Variants in FAM53A observed in about 807,000 individuals in gnomAD.
FAM53A encodes protein FAM53A.
In FAM53A, 28 loss-of-function variants were observed where a neutral mutation model predicts 26.6. The observed-to-expected ratio is 1.05, with a 90% CI of 0.78 to 1.45. The LOEUF is 1.45. Among genes scored for constraint, FAM53A ranks in the 40% most tolerant of loss-of-function variants. The pLI is 0.00. For synonymous variants in FAM53A, 290 were observed against 253.1 expected, an observed-to-expected ratio of 1.15 and a Z score of -1.38; for missense variants, 650 against 575.8, an observed-to-expected ratio of 1.13 and a Z score of -1.32.
In FAM53A at chr4:1,640,439, T is replaced by C. The variant is rs1711576920; in HGVS notation, c.*854A>G. ...GGCGCCCTGCACAGCAGGCCTTTCG[T>C]GGGGAACACAGACGCATGTTAATCT... On this transcript the variant is annotated 3_prime_UTR_variant, in exon 5 of 5. Coordinates refer to ENST00000308132, the MANE Select transcript of FAM53A (RefSeq NM_001174070.3). 1 of 285,826 alleles carries C rather than the reference T, an allele frequency of 3.5e-6. No homozygotes were observed. The highest frequency in any genetic ancestry group is 3.0e-5 in the South Asian group (1 of 33,292). The allele number at this position is 285,826 out of a possible 1,614,324, so 17.7% of individuals were successfully genotyped here.
the FAM53A span, among the ~76,000 whole-genome samples, chr4:1,603,705 G>A: frequency 4.1e-4 from 62 of 152,210 alleles, no homozygotes; most frequent in Non-Finnish European, 8.7e-4. Context: ...GTGTGTGTGC[G>A]GCCTGCAGCT....
chr4:1,576,222 G>A, the FAM53A span, among the ~76,000 whole-genome samples: 1 of 152,208 alleles, frequency 6.6e-6, no homozygotes, highest in South Asian at 2.1e-4. Flanking sequence ...CTATCACGCG[G>A]CTGCCTTCAT....
rs189347060 is a variant in FAM53A, at chr4:1,643,037, G to A, written c.883-1430C>T. ...CCAAGAAACTCCCCAAATCACCTTC[G>A]TCCAGAGCAAGGAAACACCCCACAG... On this transcript the variant is annotated intron_variant, in intron 4 of 4. Coordinates refer to ENST00000308132, the MANE Select transcript of FAM53A (RefSeq NM_001174070.3). 5.6e-4 allele frequency among the ~76,000 whole-genome samples: 85 copies of A among 152,282 alleles called. 1 individual carries two copies. Among genetic ancestry groups the A allele is most frequent in the African/African-American group, 1.9e-3 (78 of 41,564 alleles).
At chr4:1,596,412 T>TCCC in the FAM53A span, among the ~76,000 whole-genome samples, 95 of 139,716 alleles carry the variant, frequency 6.8e-4, no homozygotes, top group East Asian at 1.1e-3. Context: ...CCACCCACCT[T>TCCC]CCCCAAAGGT....
chr4:1,592,357 G>A, the FAM53A span, among the ~76,000 whole-genome samples: 2 of 152,250 alleles, frequency 1.3e-5, no homozygotes, highest in Non-Finnish European at 2.9e-5. Flanking sequence ...GGCAGCGTCA[G>A]AGCGCGCAGG....
At chr4:1,591,143 C>T in the FAM53A span, among the ~76,000 whole-genome samples, 1 of 151,478 alleles carries the variant, frequency 6.6e-6, no homozygotes, top group East Asian at 1.9e-4. Context: ...TACATATTTG[C>T]CTGGTGTATC....
chr4:1,593,982 G>A, the FAM53A span, among the ~76,000 whole-genome samples: 15 of 152,276 alleles, frequency 9.9e-5, no homozygotes, highest in Non-Finnish European at 2.1e-4. Context: ...CTAGGGCAGG[G>A]CGGCGTTGCG....
At chr4:1,632,435 G>A (rs1175628993) in intron 1 of FAM53A, among the ~76,000 whole-genome samples, 1 of 152,146 alleles carries the variant, frequency 6.6e-6, no homozygotes, top group Non-Finnish European at 1.5e-5. Flanking sequence ...ACTGGGAGGA[G>A]AGACAGCTCT....
chr4:1,643,336 G>C (rs541441902), intron 4 of FAM53A, among the ~76,000 whole-genome samples: 9 of 151,910 alleles, frequency 5.9e-5, no homozygotes, highest in Admixed American at 4.6e-4. Flanking sequence ...CGTGGTGGCG[G>C]GCGCCTGTAG....
chr4:1,651,224 A>G (rs574652220), intron 4 of FAM53A, among the ~76,000 whole-genome samples: 1,363 of 81,684 alleles, frequency 0.017, 15 homozygotes, highest in African/African-American at 0.051. Context: ...CTCCATCTCG[A>G]AAAAAAAAAA....
the FAM53A span, among the ~76,000 whole-genome samples, chr4:1,591,025 T>C: frequency 6.9e-6 from 1 of 144,354 alleles, no homozygotes; most frequent in African/African-American, 2.6e-5. Flanking sequence ...TCTTGGTCTG[T>C]TGTTCTTTTG....
At chr4:1,677,662 G>A (rs972344345) in intron 1 of FAM53A, among the ~76,000 whole-genome samples, 2 of 152,166 alleles carry the variant, frequency 1.3e-5, no homozygotes, top group African/African-American at 2.4e-5. Flanking sequence ...CACAGAGAGG[G>A]AAGAGCTGTC....
rs191841717 is a variant in FAM53A, at chr4:1,668,264, C to T, written c.75+403G>A. ...ATGCCATTCTCCTGCCTCAGCCTCCCGAGCAGCTGGGACTACAGGCGCCTG... is the reference window on the plus strand; with the variant it reads ...ATGCCATTCTCCTGCCTCAGCCTCCTGAGCAGCTGGGACTACAGGCGCCTG... On this transcript the variant is annotated intron_variant, in intron 2 of 4. Transcript: ENST00000308132. 6.1e-3 allele frequency among the ~76,000 whole-genome samples: 923 copies of T among 152,160 alleles called. 12 individuals carry two copies. Among genetic ancestry groups the T allele is most frequent in the African/African-American group, 0.021 (868 of 41,538 alleles).
At chr4:1,624,359 G>A (rs529516034) in intron 1 of FAM53A, among the ~76,000 whole-genome samples, 1 of 152,322 alleles carries the variant, frequency 6.6e-6, no homozygotes, top group East Asian at 1.9e-4. Context: ...CTGCTTCATA[G>A]TGGAGAAACT....
downstream of FAM53A, among the ~76,000 whole-genome samples, chr4:1,637,207 G>A (rs564166264): frequency 1.3e-5 from 2 of 152,192 alleles, no homozygotes; most frequent in African/African-American, 4.8e-5. Flanking sequence ...TGGGGGCGGG[G>A]ATGGCCAGAG....
chr4:1,623,854 TGAG>T (rs1715164205), intron 1 of FAM53A, among the ~76,000 whole-genome samples: 1 of 152,116 alleles, frequency 6.6e-6, no homozygotes, highest in Non-Finnish European at 1.5e-5. Context: ...AGAAAAAAGT[TGAG>T]GAGGGTGGCG....
At position 1,646,330 on chromosome 4, in the gene FAM53A, ACCT is replaced by A. The variant is rs940056840; in HGVS notation, c.883-4726_883-4724del. On this transcript the variant is annotated intron_variant, in intron 4 of 4. Transcript: ENST00000308132. ...TAGCCAGGATGGTCTCGATCTCCTG[ACCT>A]CATGATCTGCCCACCTCGGCCTCCC... Among the ~76,000 whole-genome samples the A allele has an allele frequency of 4.6e-5, 7 of 152,092 alleles. No homozygotes were observed. In the South Asian group the frequency reaches 6.2e-4, roughly 14 times the overall value.
chr4:1,645,887 A>G (rs1227272000), intron 4 of FAM53A, among the ~76,000 whole-genome samples: 1 of 152,138 alleles, frequency 6.6e-6, no homozygotes, highest in Non-Finnish European at 1.5e-5. Flanking sequence ...CCAAATCTCT[A>G]CCATGGTGTT....
intron 4 of FAM53A, among the ~76,000 whole-genome samples, chr4:1,643,272 C>A (rs1480193669): frequency 1.3e-5 from 2 of 152,052 alleles, no homozygotes; most frequent in African/African-American, 4.8e-5. Context: ...CAAGACCATC[C>A]TGGCTAACAC....
Sources: gnomAD v4.1 joint callset for allele counts (sites outside exome capture counted in the v4.1 genomes callset) on GRCh38, gnomAD v4.1.1 for gene constraint, MANE v1.5 for transcripts, NCBI Gene and HGNC (gene_info 2026-07-23, HGNC 2026-07-21) for gene names.